Variants in CCDC148 observed in about 807,000 individuals in gnomAD.
CCDC148 encodes coiled-coil domain-containing protein 148.
CCDC148 carries 89 observed loss-of-function variants against 85.7 expected under a neutral mutation model. The observed-to-expected ratio is 1.04, with a 90% CI of 0.87 to 1.24. CCDC148 has a LOEUF of 1.24. Among genes scored for constraint, CCDC148 ranks in the 50% most tolerant of loss-of-function variants. The probability of loss-of-function intolerance (pLI) is 0.00; values close to 1 mark genes in which losing one functional copy is unlikely to be tolerated. For synonymous variants in CCDC148, 230 were observed against 213.9 expected, an observed-to-expected ratio of 1.08 and a Z score of -0.66; for missense variants, 692 against 671.7, an observed-to-expected ratio of 1.03 and a Z score of -0.33.
intron 2 of CCDC148, among the ~76,000 whole-genome samples, chr2:158,352,477 C>T (rs1353934236): frequency 2.0e-5 from 3 of 151,878 alleles, no homozygotes; most frequent in East Asian, 1.9e-4. Flanking sequence ...AGGGTATCAG[C>T]AACGGAAGAT....
chr2:158,226,696 G>A lies in CCDC148; in HGVS notation c.1252-5983C>T, dbSNP rs576320139. On this transcript the variant is annotated intron_variant, in intron 10 of 13. Coordinates refer to ENST00000283233, the MANE Select transcript of CCDC148 (RefSeq NM_138803.4). Reference sequence around the variant, plus strand: ...AATCCAGCATATAAACAGAACCAACGACAAAAACCACATGATTATCTCAAT... The same window carrying A: ...AATCCAGCATATAAACAGAACCAACAACAAAAACCACATGATTATCTCAAT... Among the ~76,000 whole-genome samples the A allele has an allele frequency of 3.0e-4, 45 of 152,170 alleles. No individual in the cohort carries two copies. In the East Asian group the frequency reaches 5.6e-3, roughly 19 times the overall value.
chr2:158,237,736 T>C (rs779097048), intron 10 of CCDC148, among the ~76,000 whole-genome samples: 1 of 152,166 alleles, frequency 6.6e-6, no homozygotes, highest in African/African-American at 2.4e-5. Flanking sequence ...AAATAAATGG[T>C]ATACGAAGTC....
At chr2:158,182,733 G>T (rs1043869890) in intron 11 of CCDC148, among the ~76,000 whole-genome samples, 1 of 152,046 alleles carries the variant, frequency 6.6e-6, no homozygotes, top group African/African-American at 2.4e-5. Context: ...AGATGCTATG[G>T]TTTAAACTCA....
In CCDC148 at chr2:158,340,410, T is replaced by C. The variant is rs199695412; in HGVS notation, c.335-17A>G. Reference sequence around the variant, plus strand: ...GCTCTTGCTCTATGGTGAAACAAAATTGAATTAAAGGAACACATTATTATT... The same window carrying C: ...GCTCTTGCTCTATGGTGAAACAAAACTGAATTAAAGGAACACATTATTATT... On this transcript the variant is annotated splice_polypyrimidine_tract_variant and intron_variant, in intron 4 of 13. Transcript: ENST00000283233. 2.4e-5 allele frequency: 38 copies of C among 1,611,072 alleles called. No homozygotes were observed. The African/African-American group carries it at 4.5e-4, about 19-fold the overall frequency.
chr2:158,253,071 C>T (rs1688861356), intron 9 of CCDC148, among the ~76,000 whole-genome samples: 1 of 151,632 alleles, frequency 6.6e-6, no homozygotes, highest in African/African-American at 2.4e-5. Context: ...TGTCTCTTTA[C>T]ATTTTACATC....
intron 1 of CCDC148, among the ~76,000 whole-genome samples, chr2:158,398,107 G>A (rs1685611000): frequency 1.3e-5 from 2 of 151,956 alleles, no homozygotes; most frequent in Admixed American, 1.3e-4. Flanking sequence ...CCCAATACAG[G>A]AGCACCCAGA....
rs550347934 is a variant in CCDC148 at position 158,438,613 on chromosome 2, A to C, written c.25+17802T>G. 1.1e-4 allele frequency among the ~76,000 whole-genome samples: 17 copies of C among 152,314 alleles called. No homozygotes were observed. The South Asian group carries it at 1.9e-3, about 17-fold the overall frequency. On this transcript the variant is annotated intron_variant, in intron 1 of 13. Transcript: ENST00000283233. Reference sequence around the variant, plus strand: ...CCAAAAGCAATGGCAACAAAAGCCAAAATTGACAAATGGGATCTAATTAAA... The same window carrying C: ...CCAAAAGCAATGGCAACAAAAGCCACAATTGACAAATGGGATCTAATTAAA...
intron 1 of CCDC148, among the ~76,000 whole-genome samples, chr2:158,445,107 GAGA>G (rs573695677): frequency 4.5e-4 from 69 of 152,052 alleles, no homozygotes; most frequent in African/African-American, 1.6e-3. Context: ...GTGAGAAATG[GAGA>G]AGTACATTAA....
At chr2:158,446,267 G>T (rs532270090) in intron 1 of CCDC148, among the ~76,000 whole-genome samples, 1 of 152,094 alleles carries the variant, frequency 6.6e-6, no homozygotes, top group South Asian at 2.1e-4. Context: ...AGGCAGGATT[G>T]CTTGACCCCA....
At chr2:158,269,330 C>G (rs2105160819) in intron 9 of CCDC148, among the ~76,000 whole-genome samples, 1 of 152,202 alleles carries the variant, frequency 6.6e-6, no homozygotes, top group South Asian at 2.1e-4. Flanking sequence ...GTTCATGTAC[C>G]TGTTGGCTCT....
chr2:158,279,696 C>T (rs1441491569), intron 9 of CCDC148, among the ~76,000 whole-genome samples: 1 of 152,206 alleles, frequency 6.6e-6, no homozygotes, highest in Non-Finnish European at 1.5e-5. Flanking sequence ...AGTTGAAAAA[C>T]ACTCTGCAGG....
intron 1 of CCDC148, among the ~76,000 whole-genome samples, chr2:158,435,131 A>C (rs1022376098): frequency 1.3e-5 from 2 of 152,176 alleles, no homozygotes; most frequent in Non-Finnish European, 2.9e-5. Context: ...AGAGAATGCC[A>C]CAAAGATACT....
intron 7 of CCDC148, among the ~76,000 whole-genome samples, chr2:158,322,768 A>G (rs1414257364): frequency 1.3e-5 from 2 of 152,136 alleles, no homozygotes; most frequent in Admixed American, 6.6e-5. Flanking sequence ...CAATGTACAT[A>G]CAGAGGAGAA....
intron 10 of CCDC148, among the ~76,000 whole-genome samples, chr2:158,233,722 C>T (rs1363907131): frequency 6.6e-6 from 1 of 151,910 alleles, no homozygotes; most frequent in Non-Finnish European, 1.5e-5. Context: ...GGACCTGGTA[C>T]ATCTCTAGGT....
chr2:158,354,175 A>G (rs1308087713), intron 2 of CCDC148, among the ~76,000 whole-genome samples: 1 of 151,988 alleles, frequency 6.6e-6, no homozygotes, highest in Non-Finnish European at 1.5e-5. Context: ...GAACTAGAAA[A>G]GCAAGAGCAA....
Position 158,198,156 on chromosome 2 carries a change from T to C in CCDC148, c.1371-19160A>G, listed in dbSNP as rs146176918. Reference sequence around the variant, plus strand: ...GACATTTCCTATTTCTGGAAGGCCTTTCCTTCTACTAAGAAAACACCTGAC... The same window carrying C: ...GACATTTCCTATTTCTGGAAGGCCTCTCCTTCTACTAAGAAAACACCTGAC... On this transcript the variant is annotated intron_variant, in intron 11 of 13. Coordinates refer to ENST00000283233, the MANE Select transcript of CCDC148 (RefSeq NM_138803.4). Among the ~76,000 whole-genome samples the C allele has an allele frequency of 4.5e-3, 688 of 152,276 alleles. 3 individuals carry two copies. Among genetic ancestry groups the C allele is most frequent in the South Asian group, 9.7e-3 (47 of 4,822 alleles).
rs745463750 is a variant in CCDC148 at position 158,338,858 on chromosome 2, G to C, written c.632C>G (p.Pro211Arg). The C allele has an allele frequency of 1.2e-6, 2 of 1,611,682 alleles. No individual in the cohort carries two copies. The highest frequency in any genetic ancestry group is 1.7e-6 in the Non-Finnish European group (2 of 1,179,440). ...EEKTNPLSEL[P>R]IELESLECPY... ...GCATTCCAAACTTTCTAATTCAATG[G>C]GCAGTTCACTAAGCGGGTTAGTCTT... Residue 211 changes from proline (P) to arginine (R), a missense_variant, in exon 7 of 14, where the codon CCC (proline) becomes CGC (arginine). By Grantham distance (103) the Pro-to-Arg change is moderately radical (BLOSUM62 -2). Coordinates refer to ENST00000283233, the MANE Select transcript of CCDC148 (RefSeq NM_138803.4).
intron 8 of CCDC148, 106 bp downstream of exon 8, chr2:158,313,650 A>C: frequency 8.4e-7 from 1 of 1,187,550 alleles, no homozygotes; most frequent in South Asian, 1.9e-5. Context: ...AGGGTAGGAA[A>C]AAAATAATTT....
intron 11 of CCDC148, 98 bp from the exon 12 acceptor site, chr2:158,179,094 C>A: frequency 6.1e-6 from 4 of 654,330 alleles, no homozygotes; most frequent in Non-Finnish European, 2.5e-6. Flanking sequence ...TCAGAGGTAA[C>A]AGCACTGTCA....
Sources: gnomAD v4.1 joint callset for allele counts (sites outside exome capture counted in the v4.1 genomes callset) on GRCh38, gnomAD v4.1.1 for gene constraint, MANE v1.5 for transcripts, NCBI Gene and HGNC (gene_info 2026-07-23, HGNC 2026-07-21) for gene names.